Variants in FYB2 observed in about 807,000 individuals in gnomAD.
FYB2 encodes the protein FYN binding protein 2.
A neutral mutation model predicts 94.1 loss-of-function variants in FYB2; 103 were observed. The observed-to-expected ratio is 1.09, with a 90% CI of 0.93 to 1.29. The LOEUF is 1.29. FYB2 is among the 50% of genes most tolerant of loss of function. The pLI, the probability that FYB2 is intolerant of heterozygous loss-of-function variation, is 0.00. For synonymous variants in FYB2, 293 were observed against 287.9 expected (o/e 1.02, Z -0.18); for missense variants, 896 against 841.5 (o/e 1.06, Z -0.80).
At chr1:56,752,506 G>T (rs925495358) in intron 8 of FYB2, among the ~76,000 whole-genome samples, 1 of 151,982 alleles carries the variant, frequency 6.6e-6, no homozygotes, top group African/African-American at 2.4e-5. Flanking sequence ...CTGAGTTTTG[G>T]GTGGAATCTT....
chr1:56,790,822 G>A (rs1472847639), intron 2 of FYB2, among the ~76,000 whole-genome samples: 1 of 152,206 alleles, frequency 6.6e-6, no homozygotes, highest in Non-Finnish European at 1.5e-5. Context: ...ACTTTATAGA[G>A]AGAGGTTAGA....
rs202151258 is a variant in FYB2, at chr1:56,737,117, T to A, written c.1763A>T (p.Asp588Val). ...CTCTTTTTCACTCAGGTCTACATCA[T>A]CATAAATAATAACTTCCTGAGACTT... The part of the protein sequence containing the change: ...ELKSQEVIIY[D>V]DVDLSEKESK... Residue 588 changes from aspartate to valine, a missense_variant, in exon 15 of 20, where the codon GAT (aspartate) becomes GTT (valine). Coordinates refer to ENST00000343433, the MANE Select transcript of FYB2 (RefSeq NM_001004303.5). The A allele has an allele frequency of 1.7e-4, 278 of 1,606,702 alleles. 2 individuals carry two copies. The South Asian group carries it at 2.9e-3, about 17-fold the overall frequency.
chr1:56,781,726 A>C (rs1157958744), intron 4 of FYB2, among the ~76,000 whole-genome samples: 1 of 152,128 alleles, frequency 6.6e-6, no homozygotes, highest in Non-Finnish European at 1.5e-5. Flanking sequence ...AAAACTCTCC[A>C]ATGTCTTCCC....
intron 4 of FYB2, among the ~76,000 whole-genome samples, chr1:56,786,674 G>C (rs1225995706): frequency 6.6e-6 from 1 of 152,158 alleles, no homozygotes; most frequent in African/African-American, 2.4e-5. Context: ...CCTCTTGAGA[G>C]AACAGAATGA....
At chr1:56,756,422 G>A (rs1645332661) in intron 6 of FYB2, among the ~76,000 whole-genome samples, 1 of 152,018 alleles carries the variant, frequency 6.6e-6, no homozygotes, top group South Asian at 2.1e-4. Flanking sequence ...TCACAATGTA[G>A]CCCCTCATTT....
chr1:56,749,160 T>C (rs1182915170), intron 9 of FYB2, among the ~76,000 whole-genome samples: 4 of 151,816 alleles, frequency 2.6e-5, no homozygotes, highest in African/African-American at 9.7e-5. Flanking sequence ...TGGCTAGGCA[T>C]AGATTTCTGT....
intron 7 of FYB2, among the ~76,000 whole-genome samples, chr1:56,755,046 C>G (rs894800394): frequency 6.6e-6 from 1 of 152,064 alleles, no homozygotes; most frequent in African/African-American, 2.4e-5. Flanking sequence ...TTGATATTTG[C>G]TTCTCCAGAG....
intron 15 of FYB2, among the ~76,000 whole-genome samples, chr1:56,727,762 C>T (rs1251025618): frequency 2.6e-5 from 4 of 151,998 alleles, no homozygotes; most frequent in African/African-American, 4.8e-5. Flanking sequence ...GTTCTTAAGT[C>T]GAATGATAGG....
intron 15 of FYB2, among the ~76,000 whole-genome samples, chr1:56,733,900 G>T (rs889088359): frequency 2.6e-5 from 4 of 152,164 alleles, no homozygotes; most frequent in Non-Finnish European, 5.9e-5. Flanking sequence ...TTGATTTGGG[G>T]TGGAGAGTTC....
At chr1:56,770,597 T>C (rs1221909214) in intron 4 of FYB2, among the ~76,000 whole-genome samples, 1 of 152,142 alleles carries the variant, frequency 6.6e-6, no homozygotes, top group African/African-American at 2.4e-5. Flanking sequence ...ACCTCAAGGA[T>C]GGCTTAACAT....
chr1:56,771,913 GT>G lies in FYB2; in HGVS notation c.954-3976del, dbSNP rs56090216. The stretch of plus-strand genomic sequence containing the variant: ...CGTTGACTATTTTGCATATTTTCTA[GT>G]TTTTTTTGCATAGTTGCATATTTTC... On this transcript the variant is annotated intron_variant, in intron 4 of 19. Coordinates refer to ENST00000343433, the MANE Select transcript of FYB2 (RefSeq NM_001004303.5). Among the ~76,000 whole-genome samples the G allele has an allele frequency of 9.5e-4, 144 of 151,000 alleles. 1 individual carries two copies. Among genetic ancestry groups the G allele is most frequent in the Non-Finnish European group, 1.6e-3 (111 of 67,746 alleles).
At chr1:56,720,140 G>T (rs763887014) in intron 18 of FYB2, 33 bp downstream of exon 18, 50 of 1,587,978 alleles carry the variant, frequency 3.1e-5, no homozygotes, top group Admixed American at 3.6e-5. Context: ...TAAAAAGAAT[G>T]AAATATTATG....
In FYB2 at chr1:56,744,160, C is replaced by T; in HGVS notation, c.1494G>A (p.Arg498=). 6.2e-7 allele frequency: 1 copy of T among 1,612,468 alleles called. No individual in the cohort carries two copies. ...ACTGGAATGTTACTTACACCTCTTT[C>T]CTGGAGTACTCGACATCATCATATA... ...EEIYDDVEYS[R]KEVPKLNYSS... Residue 498 remains arginine (R), a synonymous_variant, in exon 10 of 20, where the codon AGG becomes AGA. Transcript: ENST00000343433.
At chr1:56,775,078 G>T (rs1270403399) in intron 4 of FYB2, among the ~76,000 whole-genome samples, 1 of 152,014 alleles carries the variant, frequency 6.6e-6, no homozygotes, top group Non-Finnish European at 1.5e-5. Flanking sequence ...CTTGCAGATG[G>T]CCTATTGTGG....
intron 4 of FYB2, among the ~76,000 whole-genome samples, chr1:56,781,047 T>C (rs1403061092): frequency 6.6e-6 from 1 of 152,194 alleles, no homozygotes; most frequent in Non-Finnish European, 1.5e-5. Flanking sequence ...TTGTTGTTCG[T>C]CAATCAGGTC....
rs117921830 is a variant in FYB2, at chr1:56,813,160, G to A, written c.9+6122C>T. Among the ~76,000 whole-genome samples the A allele has an allele frequency of 2.1e-4, 32 of 152,276 alleles. No homozygotes were observed. In the East Asian group the frequency reaches 6.2e-3, roughly 30 times the overall value. On this transcript the variant is annotated intron_variant, in intron 1 of 19. Transcript: ENST00000343433. ...ATTCCCCCATTTTATAAGGACATCA[G>A]TCATACTGGATTAACCCTACTCATG...
intron 9 of FYB2, among the ~76,000 whole-genome samples, chr1:56,745,743 T>C (rs924729235): frequency 1.3e-5 from 2 of 151,962 alleles, no homozygotes; most frequent in Non-Finnish European, 2.9e-5. Flanking sequence ...TGCAAAAGCT[T>C]TCAGTGGTTT....
chr1:56,826,219 G>T, the FYB2 span, among the ~76,000 whole-genome samples: 4 of 152,016 alleles, frequency 2.6e-5, no homozygotes, highest in South Asian at 8.3e-4. Context: ...TCCTGGGAGG[G>T]GTACCCCCTG....
At chr1:56,768,155 A>G (rs1645670954) in intron 4 of FYB2, among the ~76,000 whole-genome samples, 1 of 152,216 alleles carries the variant, frequency 6.6e-6, no homozygotes, top group Non-Finnish European at 1.5e-5. Context: ...CAGTCCACAC[A>G]GAAATCAATA....
Sources: allele counts gnomAD v4.1 joint callset (sites outside exome capture counted in the v4.1 genomes callset), GRCh38; gene constraint gnomAD v4.1.1; transcripts MANE v1.5; gene names NCBI Gene and HGNC (gene_info 2026-07-23, HGNC 2026-07-21).